LRRC36: variants seen among roughly 807,000 people sequenced by gnomAD.
LRRC36 encodes the protein leucine rich repeat containing 36.
In LRRC36, 62 loss-of-function variants were observed where a neutral mutation model predicts 81.1. The ratio of observed to expected loss-of-function variants is 0.76; its 90% CI spans 0.62 to 0.94. The LOEUF (loss-of-function observed/expected upper bound fraction) is 0.94. Among genes scored for constraint, LRRC36 ranks in the 40% least tolerant of loss-of-function variants. The probability of loss-of-function intolerance (pLI) is 0.00; values close to 1 mark genes in which losing one functional copy is unlikely to be tolerated. For missense variants in LRRC36, 761 were observed against 881.7 expected, an observed-to-expected ratio of 0.86 and a Z score of 1.73; for synonymous variants, 334 against 348.6, an observed-to-expected ratio of 0.96 and a Z score of 0.47.
At chr16:67,350,603 T>C (rs1001614645) in intron 5 of LRRC36, among the ~76,000 whole-genome samples, 1 of 152,220 alleles carries the variant, frequency 6.6e-6, no homozygotes, top group African/African-American at 2.4e-5. Context: ...CTCATCTGCA[T>C]ACATCCAGCT....
chr16:67,345,610 C>T (rs752850759), intron 2 of LRRC36, among the ~76,000 whole-genome samples: 1 of 152,032 alleles, frequency 6.6e-6, no homozygotes, highest in Non-Finnish European at 1.5e-5. Context: ...GGGAAGCTTG[C>T]GTGGTAGCAG....
Position 67,332,953 on chromosome 16 carries a change from A to G in LRRC36, c.70+6021A>G, listed in dbSNP as rs139093943. The stretch of plus-strand genomic sequence containing the variant: ...GTTGCCCAAGCTGGAGTGCAGTGGC[A>G]TGATCATGGCTCACTGCAGTCCCGA... On this transcript the variant is annotated intron_variant, in intron 1 of 13. Coordinates refer to ENST00000329956, the MANE Select transcript of LRRC36 (RefSeq NM_018296.6). Among the ~76,000 whole-genome samples, 232 of 151,822 alleles carry G rather than the reference A, an allele frequency of 1.5e-3. 1 individual carries two copies. The highest frequency in any genetic ancestry group is 2.7e-3 in the Non-Finnish European group (182 of 67,956).
intron 5 of LRRC36, among the ~76,000 whole-genome samples, chr16:67,358,266 C>CGA (rs1218636608): frequency 1.3e-5 from 2 of 150,550 alleles, no homozygotes; most frequent in Non-Finnish European, 2.9e-5. Context: ...TTAAAGGACA[C>CGA]TATCAAAGTG....
intron 9 of LRRC36, among the ~76,000 whole-genome samples, chr16:67,373,253 T>C (rs865905111): frequency 1.3e-5 from 2 of 152,188 alleles, no homozygotes; most frequent in African/African-American, 4.8e-5. Context: ...TTCTAGACGA[T>C]CTTAAAAGCT....
intron 5 of LRRC36, among the ~76,000 whole-genome samples, chr16:67,359,872 C>T (rs953023716): frequency 1.3e-5 from 2 of 152,058 alleles, no homozygotes; most frequent in African/African-American, 4.8e-5. Flanking sequence ...ACTGTAATCC[C>T]AACAATTTGG....
At chr16:67,367,834 C>T (rs910140842) in intron 8 of LRRC36, among the ~76,000 whole-genome samples, 5 of 152,050 alleles carry the variant, frequency 3.3e-5, no homozygotes, top group East Asian at 1.9e-4. Flanking sequence ...GGGTGGATCA[C>T]GAGGTCAGGA....
Position 67,382,132 on chromosome 16 carries a change from G to C in LRRC36, c.1931-1G>C. ...ACCCCTGGCTACTGTGCCCTTTGTA[G>C]ATGATCTTCTGCACAAAAACCAACA... On this transcript the variant is annotated splice_acceptor_variant, in intron 12 of 13. Coordinates refer to ENST00000329956, the MANE Select transcript of LRRC36 (RefSeq NM_018296.6). LOFTEE classifies it high-confidence loss of function. The C allele has an allele frequency of 6.2e-7, 1 of 1,605,454 alleles. No homozygotes were observed.
At chr16:67,365,097 A>C (rs966041641) in intron 6 of LRRC36, 1 of 518,108 alleles carries the variant, frequency 1.9e-6, no homozygotes, top group Admixed American at 3.6e-5. Context: ...TTACTTCCTA[A>C]GGATATTCAA....
chr16:67,363,505 T>C, intron 5 of LRRC36, 85 bp from the exon 6 acceptor site: 2 of 1,404,226 alleles, frequency 1.4e-6, no homozygotes, highest in Non-Finnish European at 2.0e-6. Flanking sequence ...CTTGTGACTT[T>C]CCTTTTAGTA....
intron 3 of LRRC36, among the ~76,000 whole-genome samples, chr16:67,347,015 C>T (rs1173661807): frequency 6.6e-6 from 1 of 152,158 alleles, no homozygotes; most frequent in African/African-American, 2.4e-5. Flanking sequence ...GCTGGAACTA[C>T]AGGCACGCAC....
intron 1 of LRRC36, 91 bp downstream of exon 1, chr16:67,327,023 G>C (rs2037212107): frequency 1.6e-6 from 2 of 1,261,196 alleles, no homozygotes; most frequent in Admixed American, 3.8e-5. Flanking sequence ...ACCTGAGATA[G>C]AGGCGAGGGA....
chr16:67,365,281 C>T, intron 6 of LRRC36, 23 bp from the exon 7 acceptor site: 1 of 1,600,042 alleles, frequency 6.2e-7, no homozygotes, highest in East Asian at 2.2e-5. Flanking sequence ...TTCCTTCTAC[C>T]TAAACTTTCG....
In LRRC36 at chr16:67,378,583, C is replaced by A; in HGVS notation, c.1807-6C>A. 6.2e-7 allele frequency: 1 copy of A among 1,613,270 alleles called. No individual in the cohort carries two copies. On this transcript the variant is annotated splice_polypyrimidine_tract_variant and splice_region_variant and intron_variant, in intron 11 of 13. Coordinates refer to ENST00000329956, the MANE Select transcript of LRRC36 (RefSeq NM_018296.6). ...ATGTATTTGTATTTTGTTTTCTAATCTAAAGGAAAGTTTGAAGCAAAAACT... is the reference window on the plus strand; with the variant it reads ...ATGTATTTGTATTTTGTTTTCTAATATAAAGGAAAGTTTGAAGCAAAAACT...
chr16:67,363,659 C>G lies in LRRC36; in HGVS notation c.647C>G (p.Thr216Ser), dbSNP rs1160613606. 1 of 1,613,986 alleles carries G rather than the reference C, an allele frequency of 6.2e-7. No individual in the cohort carries two copies. The highest frequency in any genetic ancestry group is 1.1e-5 in the South Asian group (1 of 91,084). The change falls in exon 6 of 14, where the codon ACT (threonine) becomes AGT (serine). Residue 216 changes from threonine (T) to serine (S), a missense_variant. This residue lies in a region of LRRC36 where 263 missense variants were observed against 279.3 expected (regional missense o/e 0.94). Coordinates refer to ENST00000329956, the MANE Select transcript of LRRC36 (RefSeq NM_018296.6). ...EIKDSLSTSA[T>S]QGNGTRDQKL... ...AAGGATTCCCTAAGTACTTCTGCAA[C>G]TCAGGGCAATGGTACACGTGATCAG... is the stretch of plus-strand genomic sequence containing the variant.
intron 3 of LRRC36, 68 bp from the exon 4 acceptor site, chr16:67,347,427 C>G: frequency 1.9e-6 from 3 of 1,598,140 alleles, no homozygotes; most frequent in Non-Finnish European, 2.6e-6. Flanking sequence ...ATATGGTTTT[C>G]TGATTAACTA....
intron 7 of LRRC36, 58 bp from the exon 8 acceptor site, chr16:67,366,959 C>A (rs1234921734): frequency 3.6e-6 from 5 of 1,387,690 alleles, no homozygotes; most frequent in South Asian, 1.4e-5. Context: ...GAGGTACTCC[C>A]AGCTAGGCCA....
At chr16:67,379,445 A>T (rs982431321) in intron 12 of LRRC36, among the ~76,000 whole-genome samples, 1 of 152,130 alleles carries the variant, frequency 6.6e-6, no homozygotes, top group African/African-American at 2.4e-5. Flanking sequence ...GGCCGGGTGC[A>T]GTGGCTCATT....
Position 67,378,696 on chromosome 16 carries a change from A to G in LRRC36, c.1914A>G (p.Gln638=), listed in dbSNP as rs2040003784. The change falls in exon 12 of 14, where the codon CAA becomes CAG. Residue 638 remains glutamine (Q), a synonymous_variant. Transcript: ENST00000329956. ...EGAAISIVSG[Q]QSHTYDDLLH... The stretch of plus-strand genomic sequence containing the variant: ...CTGCCATCTCAATTGTGAGTGGGCA[A>G]CAGTCACATACTTATGGTAAGTTGA... The G allele has an allele frequency of 6.2e-7, 1 of 1,613,902 alleles. No homozygotes were observed. The highest frequency in any genetic ancestry group is 8.5e-7 in the Non-Finnish European group (1 of 1,179,906).
Position 67,374,250 on chromosome 16 carries a change from CCTT to C in LRRC36, c.1495-996_1495-994del, listed in dbSNP as rs1478679096. 5.3e-5 allele frequency among the ~76,000 whole-genome samples: 8 copies of C among 150,782 alleles called. No individual in the cohort carries two copies. The East Asian group carries it at 9.7e-4, about 18-fold the overall frequency. On this transcript the variant is annotated intron_variant, in intron 9 of 13. Transcript: ENST00000329956. ...TTATATATTAATATATTAAATATAA[CCTT>C]AGAGTAATTTTTTATATTACTCCCA...
Sources: allele counts gnomAD v4.1 joint callset (sites outside exome capture counted in the v4.1 genomes callset), GRCh38; gene constraint gnomAD v4.1.1; regional missense constraint gnomAD v4.1.1; transcripts MANE v1.5; gene names NCBI Gene and HGNC (gene_info 2026-07-23, HGNC 2026-07-21).